WDR49: variants seen among roughly 807,000 people sequenced by gnomAD.
WDR49 encodes WD repeat domain 49, also known as cilia- and flagella-associated protein 337.
WDR49 carries 107 observed loss-of-function variants against 119.5 expected under a neutral mutation model. That is an observed-to-expected ratio of 0.90 (90% CI 0.77 to 1.05). The LOEUF (loss-of-function observed/expected upper bound fraction) is 1.05. Among genes scored for constraint, WDR49 ranks in the 50% least tolerant of loss-of-function variants. The pLI is 0.00. For synonymous variants in WDR49, 425 were observed against 418.8 expected (o/e 1.01, Z -0.18); for missense variants, 1,240 against 1,220.5 (o/e 1.02, Z -0.24).
At chr3:167,637,677 T>A (rs1717684959) in intron 2 of WDR49, among the ~76,000 whole-genome samples, 1 of 151,834 alleles carries the variant, frequency 6.6e-6, no homozygotes, top group Admixed American at 6.6e-5. Flanking sequence ...TCAGCAGTGT[T>A]TTGTAGTTTT....
At chr3:167,558,304 G>A (rs548384197) in intron 9 of WDR49, among the ~76,000 whole-genome samples, 51 of 152,094 alleles carry the variant, frequency 3.4e-4, no homozygotes, top group African/African-American at 1.2e-3. Context: ...AAAATAGACC[G>A]TTCAAAGCCA....
intron 16 of WDR49, among the ~76,000 whole-genome samples, chr3:167,507,166 T>TGG (rs752807674): frequency 6.6e-6 from 1 of 152,122 alleles, no homozygotes; most frequent in Admixed American, 6.5e-5. Flanking sequence ...TAAGAGGGGA[T>TGG]GGGGGGGTAG....
intron 18 of WDR49, among the ~76,000 whole-genome samples, chr3:167,496,222 ATGAT>A (rs149136903): frequency 0.12 from 18,818 of 152,022 alleles, 1,484 homozygotes; most frequent in East Asian, 0.37. Flanking sequence ...ATAATTCAGA[ATGAT>A]TGATTAAAAT....
intron 2 of WDR49, among the ~76,000 whole-genome samples, chr3:167,631,373 G>A (rs933013940): frequency 1.3e-5 from 2 of 151,996 alleles, no homozygotes; most frequent in Admixed American, 1.3e-4. Flanking sequence ...GCTGAAACAA[G>A]AAAGCAGAGT....
intron 13 of WDR49, among the ~76,000 whole-genome samples, chr3:167,530,117 A>G (rs1752792635): frequency 6.6e-6 from 1 of 152,112 alleles, no homozygotes; most frequent in Non-Finnish European, 1.5e-5. Context: ...AAGTTTTAGA[A>G]TCTAATTGTT....
intron 2 of WDR49, chr3:167,633,659 A>G (rs1717478381): frequency 2.8e-6 from 1 of 357,078 alleles, no homozygotes; most frequent in African/African-American, 2.1e-5. Context: ...TCAATACTGA[A>G]TGGCGAAATA....
At chr3:167,584,846 A>AAT (rs1243347351) in intron 7 of WDR49, among the ~76,000 whole-genome samples, 1 of 152,078 alleles carries the variant, frequency 6.6e-6, no homozygotes, top group Non-Finnish European at 1.5e-5. Context: ...AGATGTGGAA[A>AAT]ATATTTTGTG....
intron 3 of WDR49, among the ~76,000 whole-genome samples, chr3:167,621,870 C>T (rs929329334): frequency 6.6e-6 from 1 of 152,092 alleles, no homozygotes; most frequent in African/African-American, 2.4e-5. Context: ...TGCTTTATTT[C>T]CTATCCCTAT....
chr3:167,596,735 G>T (rs1444631080), intron 7 of WDR49, among the ~76,000 whole-genome samples: 1 of 108,232 alleles, frequency 9.2e-6, no homozygotes, highest in Non-Finnish European at 1.8e-5. Flanking sequence ...TGGGGGGAGG[G>T]GGGAGGGATA....
intron 8 of WDR49, among the ~76,000 whole-genome samples, chr3:167,563,371 A>AG (rs1190426837): frequency 1.7e-4 from 23 of 137,176 alleles, no homozygotes; most frequent in African/African-American, 7.4e-4. Flanking sequence ...AAAAAAAAAA[A>AG]AAAAAAGAAA....
At chr3:167,598,272 T>G (rs1360254147) in intron 7 of WDR49, among the ~76,000 whole-genome samples, 1 of 150,284 alleles carries the variant, frequency 6.7e-6, no homozygotes, top group African/African-American at 2.5e-5. Flanking sequence ...ACCACTGCAC[T>G]CCAGCGTGGG....
chr3:167,614,619 T>A (rs184450138), intron 5 of WDR49, among the ~76,000 whole-genome samples: 19 of 152,320 alleles, frequency 1.2e-4, no homozygotes, highest in African/African-American at 4.6e-4. Context: ...ATGAAAACAT[T>A]TACTCCTTCA....
At chr3:167,528,408 A>G (rs1003097236) in intron 14 of WDR49, among the ~76,000 whole-genome samples, 4 of 152,044 alleles carry the variant, frequency 2.6e-5, no homozygotes, top group African/African-American at 9.7e-5. Context: ...CAGGGTAACA[A>G]TAATGTTAAA....
At chr3:167,490,737 G>A (rs1468657271) in intron 18 of WDR49, among the ~76,000 whole-genome samples, 1 of 152,048 alleles carries the variant, frequency 6.6e-6, no homozygotes, top group Non-Finnish European at 1.5e-5. Flanking sequence ...TTCTAGTTGA[G>A]TTCACTGTTT....
intron 12 of WDR49, 27 bp downstream of exon 12, chr3:167,532,852 T>C (rs1353230574): frequency 1.3e-6 from 2 of 1,564,848 alleles, no homozygotes; most frequent in South Asian, 1.1e-5. Context: ...ACTAGCCATG[T>C]TATTTTCGTT....
At chr3:167,553,816 T>C (rs144355775) in intron 10 of WDR49, among the ~76,000 whole-genome samples, 108 of 152,172 alleles carry the variant, frequency 7.1e-4, no homozygotes, top group African/African-American at 2.5e-3. Context: ...CTCCTAAAAA[T>C]AGGGCAGTGT....
chr3:167,534,513 G>A (rs894583966), intron 11 of WDR49, among the ~76,000 whole-genome samples: 2 of 152,082 alleles, frequency 1.3e-5, no homozygotes, highest in African/African-American at 2.4e-5. Context: ...CTACAGAGTT[G>A]GCCTTACTAG....
At chr3:167,542,121 A>G (rs1007887483) in intron 10 of WDR49, among the ~76,000 whole-genome samples, 1 of 152,078 alleles carries the variant, frequency 6.6e-6, no homozygotes, top group Non-Finnish European at 1.5e-5. Context: ...CCAACATGAG[A>G]GCTCCCAAAT....
intron 18 of WDR49, among the ~76,000 whole-genome samples, chr3:167,494,472 G>GA (rs372589228): frequency 0.016 from 2,298 of 145,296 alleles, 47 homozygotes; most frequent in African/African-American, 0.048. Flanking sequence ...CACCAGATAG[G>GA]AAAAAAAAAA....
Sources: gnomAD v4.1 joint callset for allele counts (sites outside exome capture counted in the v4.1 genomes callset) on GRCh38, gnomAD v4.1.1 for gene constraint, MANE v1.5 for transcripts, NCBI Gene and HGNC (gene_info 2026-07-23, HGNC 2026-07-21) for gene names.